Variants in DHCR24 observed in about 807,000 individuals in gnomAD.
The protein encoded by DHCR24 is 24-dehydrocholesterol reductase, also known as delta(24)-sterol reductase.
A neutral mutation model predicts 61.2 loss-of-function variants in DHCR24; 28 were observed. The observed-to-expected ratio is 0.46, with a 90% confidence interval of 0.34 to 0.63. The LOEUF (loss-of-function observed/expected upper bound fraction) is 0.63. Ranked by LOEUF, DHCR24 falls within the 20% of genes least tolerant of loss-of-function variation. The pLI is 0.01. For synonymous variants in DHCR24, 261 were observed against 275.9 expected (o/e 0.95, Z 0.54); for missense variants, 538 against 679.1 (o/e 0.79, Z 2.31).
rs970805173 is a variant in DHCR24 at position 54,854,137 on chromosome 1, G to C, written c.1118C>G (p.Thr373Ser). 1.5e-5 allele frequency: 24 copies of C among 1,613,996 alleles called. No individual in the cohort carries two copies. Among genetic ancestry groups the C allele is most frequent in the Non-Finnish European group, 1.9e-5 (23 of 1,179,986 alleles). The change falls in exon 7 of 9, where the codon ACC becomes AGC. Residue 373 changes from threonine to serine, a missense_variant. Coordinates refer to ENST00000371269, the MANE Select transcript of DHCR24 (RefSeq NM_014762.4). Reference sequence around the variant, plus strand: ...GTGCTGCTCGTACAGCTTGCGCAGGGTCTCACCCTGGGTCAGCTTCAGGAG... The same window carrying C: ...GTGCTGCTCGTACAGCTTGCGCAGGCTCTCACCCTGGGTCAGCTTCAGGAG... Reference protein sequence around the residue: ...ISLLKLTQGETLRKLYEQHHV... With the variant: ...ISLLKLTQGESLRKLYEQHHV...
chr1:54,874,104 A>G (rs1035017772), intron 4 of DHCR24, among the ~76,000 whole-genome samples: 1 of 152,264 alleles, frequency 6.6e-6, no homozygotes, highest in Admixed American at 6.5e-5. Flanking sequence ...ACAAGAGTCA[A>G]AAGTTTTTAA....
chr1:54,862,146 C>T (rs1447581187), intron 6 of DHCR24, among the ~76,000 whole-genome samples: 2 of 152,134 alleles, frequency 1.3e-5, no homozygotes, highest in Admixed American at 1.3e-4. Flanking sequence ...TGTCATTTTC[C>T]CCTCCACTGG....
chr1:54,856,612 A>C (rs576476073), intron 6 of DHCR24, among the ~76,000 whole-genome samples: 3 of 152,324 alleles, frequency 2.0e-5, no homozygotes, highest in South Asian at 4.1e-4. Flanking sequence ...AAAAAAAAAA[A>C]CAAAGGTTAT....
chr1:54,880,483 G>C (rs1353073990), intron 2 of DHCR24, among the ~76,000 whole-genome samples: 2 of 152,204 alleles, frequency 1.3e-5, no homozygotes, highest in African/African-American at 4.8e-5. Flanking sequence ...ATGCAAAGTA[G>C]GCCAAGCGCG....
rs372744843 is a variant in DHCR24, at chr1:54,886,925, G to A, written c.195C>T (p.Arg65=). 41 of 1,613,260 alleles carry A rather than the reference G, an allele frequency of 2.5e-5. No individual in the cohort carries two copies. Among genetic ancestry groups the A allele is most frequent in the African/African-American group, 5.3e-5 (4 of 74,916 alleles). The change falls in exon 1 of 9, where the codon CGC becomes CGT. Residue 65 remains arginine, a synonymous_variant. Coordinates refer to ENST00000371269, the MANE Select transcript of DHCR24 (RefSeq NM_014762.4). ...WVVFKLSSAP[R]LHEQRVRDIQ... ...TGTCCCGCACGCGCTGCTCGTGCAG[G>A]CGCGGAGCGCTGCTGAGCTTGAACA...
At chr1:54,852,456 C>T in intron 8 of DHCR24, 70 bp from the exon 9 acceptor site, 6 of 1,547,772 alleles carry the variant, frequency 3.9e-6, no homozygotes, top group South Asian at 3.3e-5. Context: ...AGAAACCCAA[C>T]TGCTCATTCT....
chr1:54,855,410 A>C (rs1015270992), intron 6 of DHCR24, among the ~76,000 whole-genome samples: 24 of 140,788 alleles, frequency 1.7e-4, no homozygotes, highest in South Asian at 2.4e-4. Flanking sequence ...AAAAAAAAAA[A>C]CAGTTCCAAG....
Position 54,852,131 on chromosome 1 carries a change from G to T in DHCR24, c.*102C>A. The T allele has an allele frequency of 1.4e-6, 2 of 1,428,628 alleles. No individual in the cohort carries two copies. The highest frequency in any genetic ancestry group is 1.9e-6 in the Non-Finnish European group (2 of 1,035,590). 88.5% of individuals were successfully genotyped at this position (1,428,628 alleles called of 1,614,324 possible). ...GCTGTCAGGGTGGGAGTTCTGGAGG[G>T]GTTTCTCTTTGAAAGTGTGGATCTA... On this transcript the variant is annotated 3_prime_UTR_variant, in exon 9 of 9. Transcript: ENST00000371269.
intron 6 of DHCR24, among the ~76,000 whole-genome samples, chr1:54,855,394 CA>C (rs34849017): frequency 0.62 from 72,804 of 117,600 alleles, 20,489 homozygotes; most frequent in South Asian, 0.77. Context: ...ACTCCGTCTC[CA>C]AAAAAAAAAA....
chr1:54,853,963 C>A, intron 7 of DHCR24, 74 bp downstream of exon 7: 1 of 1,466,856 alleles, frequency 6.8e-7, no homozygotes, highest in Non-Finnish European at 9.3e-7. Flanking sequence ...AGGTCGGTCA[C>A]ACGGTTCAGG....
intron 6 of DHCR24, among the ~76,000 whole-genome samples, chr1:54,855,852 A>G (rs1646904734): frequency 6.6e-6 from 1 of 152,124 alleles, no homozygotes; most frequent in South Asian, 2.1e-4. Context: ...AGAAATCCCC[A>G]TAGTACAAAA....
At chr1:54,869,112 AT>A (rs1646983059) in intron 5 of DHCR24, among the ~76,000 whole-genome samples, 1 of 152,146 alleles carries the variant, frequency 6.6e-6, no homozygotes, top group Non-Finnish European at 1.5e-5. Flanking sequence ...GAACCAAGTG[AT>A]CACTGCTGAA....
At chr1:54,856,826 T>C (rs1327655065) in intron 6 of DHCR24, among the ~76,000 whole-genome samples, 3 of 152,216 alleles carry the variant, frequency 2.0e-5, no homozygotes, top group Non-Finnish European at 2.9e-5. Flanking sequence ...ATGGATACCA[T>C]TTCAGAGCTT....
chr1:54,852,893 C>T (rs773103168), intron 8 of DHCR24, among the ~76,000 whole-genome samples: 57 of 152,202 alleles, frequency 3.7e-4, no homozygotes, highest in Admixed American at 9.2e-4. Flanking sequence ...ACTACTGATG[C>T]GCTATCAGTA....
At chr1:54,866,528 A>G (rs1646968765) in intron 5 of DHCR24, among the ~76,000 whole-genome samples, 1 of 152,124 alleles carries the variant, frequency 6.6e-6, no homozygotes, top group Non-Finnish European at 1.5e-5. Context: ...TTCCATTTAC[A>G]ACACACTTAG....
In DHCR24 at chr1:54,883,097, G is replaced by C. The variant is rs1193609028; in HGVS notation, c.387+521C>G. ...CTACCCTATTATTGGATATTGTGTT[G>C]TTGTCAATTAGAAATAAAGCTGTGA... On this transcript the variant is annotated intron_variant, in intron 2 of 8. Coordinates refer to ENST00000371269, the MANE Select transcript of DHCR24 (RefSeq NM_014762.4). The surrounding 1 kb of genome is among the most constrained non-coding windows in gnomAD (Gnocchi z 4.3). Among the ~76,000 whole-genome samples the C allele has an allele frequency of 6.6e-6, 1 of 152,152 alleles. No homozygotes were observed. The highest frequency in any genetic ancestry group is 1.5e-5 in the Non-Finnish European group (1 of 68,042).
At chr1:54,869,779 C>T (rs1044784984) in intron 5 of DHCR24, among the ~76,000 whole-genome samples, 1 of 152,102 alleles carries the variant, frequency 6.6e-6, no homozygotes, top group Non-Finnish European at 1.5e-5. Flanking sequence ...AGGCCGGGCA[C>T]AGTGGCTCGC....
Position 54,851,988 on chromosome 1 carries a change from T to TCA in DHCR24, c.*243_*244dup, listed in dbSNP as rs896050001. 1.8e-6 allele frequency: 1 copy of TCA among 562,722 alleles called. No individual in the cohort carries two copies. The highest frequency in any genetic ancestry group is 1.9e-5 in the African/African-American group (1 of 53,062). The allele number at this position is 562,722 out of a possible 1,614,324, so 34.9% of individuals were successfully genotyped here. ...GAGGGGTTAAGGGACTCACCCAGAG[T>TCA]CACACAGCTAATGAGTTCTAAACGG... On this transcript the variant is annotated 3_prime_UTR_variant, in exon 9 of 9. Coordinates refer to ENST00000371269, the MANE Select transcript of DHCR24 (RefSeq NM_014762.4).
chr1:54,859,009 C>A (rs1183949715), intron 6 of DHCR24, among the ~76,000 whole-genome samples: 1 of 152,142 alleles, frequency 6.6e-6, no homozygotes, highest in Non-Finnish European at 1.5e-5. Flanking sequence ...CAGTGCCCCT[C>A]CCCTGAGTAT....
Sources: gnomAD v4.1 joint callset for allele counts (sites outside exome capture counted in the v4.1 genomes callset) on GRCh38, gnomAD v4.1.1 for gene constraint, Gnocchi (gnomAD v3.1) non-coding constraint, MANE v1.5 for transcripts, NCBI Gene and HGNC (gene_info 2026-07-23, HGNC 2026-07-21) for gene names.